Variants in MFSD11 observed in about 807,000 individuals in gnomAD.
The protein encoded by MFSD11 is UNC93-like protein MFSD11.
MFSD11 carries 36 observed loss-of-function variants against 53.5 expected under a neutral mutation model. The observed-to-expected ratio is 0.67, with a 90% CI of 0.52 to 0.89. MFSD11 has a LOEUF of 0.89. MFSD11 is among the 40% of genes least tolerant of loss of function. The pLI is 0.00. For missense variants in MFSD11, 530 were observed against 543.9 expected (o/e 0.97, Z 0.25); for synonymous variants, 186 against 184.9 (o/e 1.01, Z -0.05).
At chr17:76,763,718 A>G (rs990778022) in intron 8 of MFSD11, among the ~76,000 whole-genome samples, 46 of 152,042 alleles carry the variant, frequency 3.0e-4, no homozygotes, top group African/African-American at 1.1e-3. Context: ...AAACAAACAA[A>G]TGTTTTCTCC....
upstream of MFSD11, chr17:76,738,067 C>T (rs2077667234): frequency 2.3e-6 from 1 of 443,236 alleles, no homozygotes. Flanking sequence ...TAATCCCCTT[C>T]GTGGGCCCCT....
intron 5 of MFSD11, 51 bp downstream of exon 5, chr17:76,742,324 T>A: frequency 6.7e-7 from 1 of 1,486,880 alleles, no homozygotes; most frequent in Non-Finnish European, 9.3e-7. Context: ...TTTTTTTCTG[T>A]CATACCATTT....
At chr17:76,801,163 G>C in the MFSD11 span, among the ~76,000 whole-genome samples, 1 of 151,680 alleles carries the variant, frequency 6.6e-6, no homozygotes, top group Admixed American at 6.6e-5. Context: ...CGGCTGAGGA[G>C]AGTGGATCAC....
At position 76,776,472 on chromosome 17, in the gene MFSD11, G is replaced by A; in HGVS notation, c.1116G>A (p.Leu372=). 6.2e-7 allele frequency: 1 copy of A among 1,614,054 alleles called. No homozygotes were observed. Among genetic ancestry groups the A allele is most frequent in the Non-Finnish European group, 8.5e-7 (1 of 1,180,008 alleles). ...GLGDSCFNTQ[L]LSILGFLYSE... is the part of the protein sequence containing the mutation. ...GAGACAGCTGCTTTAATACCCAGCT[G>A]CTTAGTATCTTGGGCTTTCTGTATT... The change falls in exon 12 of 13, where the codon CTG becomes CTA. Residue 372 remains leucine, a synonymous_variant. Transcript: ENST00000685175. The surrounding 1 kb of genome is among the most constrained non-coding windows in gnomAD (Gnocchi z 4.2).
chr17:76,759,777 T>C, intron 8 of MFSD11, among the ~76,000 whole-genome samples: 1 of 135,176 alleles, frequency 7.4e-6, no homozygotes, highest in East Asian at 2.2e-4. Flanking sequence ...TTTTTTTTTT[T>C]TTTTTTTTTG....
At chr17:76,737,023 C>T, upstream of MFSD11, 1 of 1,613,408 alleles carries the variant, frequency 6.2e-7, no homozygotes, top group East Asian at 2.2e-5. Flanking sequence ...AGCGGTCCCG[C>T]GGGATGTACA....
At chr17:76,781,581 G>A (rs1373715719), downstream of MFSD11, 1 of 152,164 alleles carries the variant, frequency 6.6e-6, no homozygotes, top group African/African-American at 2.4e-5. Flanking sequence ...CCCTTGCTCT[G>A]TTTGCTCATA....
the MFSD11 span, among the ~76,000 whole-genome samples, chr17:76,788,097 G>A: frequency 6.7e-6 from 1 of 149,080 alleles, no homozygotes; most frequent in Non-Finnish European, 1.5e-5. Flanking sequence ...CTGGAATGCA[G>A]TGGCATGATC....
chr17:76,744,576 T>C, intron 7 of MFSD11, 110 bp downstream of exon 7: 1 of 915,698 alleles, frequency 1.1e-6, no homozygotes, highest in South Asian at 2.1e-5. Context: ...TCTCTGTAGG[T>C]TACCACAGGC....
chr17:76,754,219 AAT>A, intron 8 of MFSD11, 132 bp downstream of exon 8: 1 of 664,708 alleles, frequency 1.5e-6, no homozygotes, highest in East Asian at 2.8e-5. Context: ...GCTGCTCTGA[AAT>A]ATATTGATCT....
At chr17:76,773,968 C>T (rs895456453) in intron 10 of MFSD11, among the ~76,000 whole-genome samples, 14 of 151,726 alleles carry the variant, frequency 9.2e-5, no homozygotes, top group African/African-American at 1.9e-4. Flanking sequence ...CTCTGTCACC[C>T]GTGCTGGAGT....
At chr17:76,737,785 C>T (rs2077625958), upstream of MFSD11, 2 of 161,524 alleles carry the variant, frequency 1.2e-5, no homozygotes, top group African/African-American at 2.4e-5. Context: ...CGTCGTCTCT[C>T]GGCCCCGTCC....
intron 1 of MFSD11, 43 bp from the exon 2 acceptor site, chr17:76,738,895 G>A (rs772571324): frequency 6.5e-7 from 1 of 1,533,218 alleles, no homozygotes; most frequent in Non-Finnish European, 9.0e-7. Flanking sequence ...GTGGGAGGGA[G>A]ACTGCAAAAC....
At chr17:76,780,028 T>G (rs1482684407), downstream of MFSD11, among the ~76,000 whole-genome samples, 2 of 152,138 alleles carry the variant, frequency 1.3e-5, no homozygotes, top group Non-Finnish European at 2.9e-5. Context: ...ACATAACTAT[T>G]TGGGGAGATG....
intron 12 of MFSD11, 113 bp from the exon 13 acceptor site, chr17:76,778,075 A>G: frequency 1.0e-6 from 1 of 957,208 alleles, no homozygotes; most frequent in Non-Finnish European, 1.6e-6. Context: ...AAGAATAGAA[A>G]GCACTGTGAG....
chr17:76,738,261 C>A lies in MFSD11; in HGVS notation c.-92C>A. The A allele has an allele frequency of 1.2e-6, 1 of 805,398 alleles. No homozygotes were observed. The highest frequency in any genetic ancestry group is 2.1e-6 in the Non-Finnish European group (1 of 474,498). The allele number at this position is 805,398 out of a possible 1,614,324, so 49.9% of individuals were successfully genotyped here. ...CTCCTGCATCTGCCTTCTCCACTCA[C>A]CATCTCATTTCTTTCTCCAGGATTG... On this transcript the variant is annotated 5_prime_UTR_variant, in exon 1 of 13. Coordinates refer to ENST00000685175, the MANE Select transcript of MFSD11 (RefSeq NM_001242532.5).
intron 8 of MFSD11, among the ~76,000 whole-genome samples, chr17:76,759,123 G>A (rs957538838): frequency 6.6e-6 from 1 of 151,988 alleles, no homozygotes; most frequent in Non-Finnish European, 1.5e-5. Flanking sequence ...TGGGAATGGT[G>A]GCACGTCCCA....
chr17:76,756,911 G>GA (rs1179608359), intron 8 of MFSD11, among the ~76,000 whole-genome samples: 1 of 151,958 alleles, frequency 6.6e-6, no homozygotes, highest in South Asian at 2.1e-4. Context: ...GGCCAGAGGG[G>GA]AAAAGGACTC....
At chr17:76,748,858 T>C (rs776278642) in intron 7 of MFSD11, among the ~76,000 whole-genome samples, 2 of 152,062 alleles carry the variant, frequency 1.3e-5, no homozygotes, top group Non-Finnish European at 2.9e-5. Context: ...CTTTCACTTC[T>C]TACCTTCCTG....
Sources: gnomAD v4.1 joint callset for allele counts (sites outside exome capture counted in the v4.1 genomes callset) on GRCh38, gnomAD v4.1.1 for gene constraint, Gnocchi (gnomAD v3.1) non-coding constraint, MANE v1.5 for transcripts, NCBI Gene and HGNC (gene_info 2026-07-23, HGNC 2026-07-21) for gene names.